Variants in AVEN observed in about 807,000 individuals in gnomAD.
AVEN encodes cell death regulator Aven.
AVEN carries 41 observed loss-of-function variants against 38.1 expected under a neutral mutation model. That is an observed-to-expected ratio of 1.08 (90% confidence interval 0.84 to 1.40). The LOEUF (loss-of-function observed/expected upper bound fraction) is 1.40. AVEN is among the 40% of genes most tolerant of loss of function. The pLI, the probability that AVEN is intolerant of heterozygous loss-of-function variation, is 0.00. For synonymous variants in AVEN, 206 were observed against 171.8 expected (o/e 1.20, Z -1.56); for missense variants, 605 against 438.8 (o/e 1.38, Z -3.38).
chr15:33,943,582 T>C (rs1894398464), intron 2 of AVEN, among the ~76,000 whole-genome samples: 1 of 152,212 alleles, frequency 6.6e-6, no homozygotes, highest in African/African-American at 2.4e-5. Context: ...ACGCCTGTAA[T>C]CCCAACACTT....
chr15:33,991,963 G>T, intron 2 of AVEN: 1 of 152,638 alleles, frequency 6.6e-6, no homozygotes. Context: ...TGATAGTTCA[G>T]GATGATGAAA....
chr15:33,867,640 C>T lies in AVEN; in HGVS notation c.828G>A (p.Gln276=). 1 of 1,614,204 alleles carries T rather than the reference C, an allele frequency of 6.2e-7. No individual in the cohort carries two copies. The highest frequency in any genetic ancestry group is 1.3e-5 in the African/African-American group (1 of 75,054). Residue 276 remains glutamine (Q), a synonymous_variant, in exon 5 of 6, where the codon CAG becomes CAA. Coordinates refer to ENST00000306730, the MANE Select transcript of AVEN (RefSeq NM_020371.3). ...CTTCTTCCAAATGGTCTCCTGCTGA[C>T]TGCAGTGGGGAAGTGGGTTTCTGAG... is the stretch of plus-strand genomic sequence containing the variant. The part of the protein sequence containing the change: ...RDSQKPTSPL[Q]SAGDHLEEEL...
At chr15:33,899,742 A>G (rs1343485500) in intron 2 of AVEN, among the ~76,000 whole-genome samples, 1 of 152,096 alleles carries the variant, frequency 6.6e-6, no homozygotes, top group Admixed American at 6.5e-5. Context: ...CTGAGATGAC[A>G]GGCATGAGCC....
At chr15:34,040,653 G>C (rs979420067), upstream of AVEN, among the ~76,000 whole-genome samples, 3 of 151,966 alleles carry the variant, frequency 2.0e-5, no homozygotes, top group Admixed American at 1.3e-4. Context: ...TACAGGCCAG[G>C]TGTGTGGTTC....
chr15:33,859,646 TG>T, intron 11 of AVEN: 1 of 1,614,050 alleles, frequency 6.2e-7, no homozygotes, highest in Non-Finnish European at 8.5e-7. Flanking sequence ...AAGACCCTGC[TG>T]GTGATCCTTA....
intron 2 of AVEN, among the ~76,000 whole-genome samples, chr15:33,964,106 T>A (rs1208564881): frequency 6.9e-6 from 1 of 145,204 alleles, no homozygotes; most frequent in South Asian, 2.2e-4. Flanking sequence ...AGTCCTTACT[T>A]AAAAAAAAAA....
At chr15:33,916,058 C>A (rs149059869) in intron 2 of AVEN, among the ~76,000 whole-genome samples, 1 of 152,128 alleles carries the variant, frequency 6.6e-6, no homozygotes, top group Non-Finnish European at 1.5e-5. Flanking sequence ...CACGCCCAAC[C>A]CTGCTCCCAT....
chr15:34,021,576 C>T (rs1329440553), intron 1 of AVEN, among the ~76,000 whole-genome samples: 1 of 152,108 alleles, frequency 6.6e-6, no homozygotes, highest in Non-Finnish European at 1.5e-5. Flanking sequence ...TACACATGGC[C>T]GTGTAAGGTG....
downstream of AVEN, among the ~76,000 whole-genome samples, chr15:33,862,886 G>C (rs748591556): frequency 6.6e-6 from 1 of 152,204 alleles, no homozygotes; most frequent in Non-Finnish European, 1.5e-5. Context: ...CAAAGTGCTG[G>C]AATTAGAGGC....
intron 1 of AVEN, among the ~76,000 whole-genome samples, chr15:34,028,322 T>C (rs939255567): frequency 6.6e-6 from 1 of 152,302 alleles, no homozygotes. Flanking sequence ...CCCAGCACTT[T>C]GGGAAGCCAA....
Position 34,039,150 on chromosome 15 carries a change from G to A in AVEN, c.-104C>T, listed in dbSNP as rs1597380275. On this transcript the variant is annotated 5_prime_UTR_variant, in exon 1 of 6. Coordinates refer to ENST00000306730, the MANE Select transcript of AVEN (RefSeq NM_020371.3). ...CACGGAGGAGCCGCGAGCGAAAGGCGCCCGGTAGCAGCGAGGCGCGGGGTG... is the reference window on the plus strand; with the variant it reads ...CACGGAGGAGCCGCGAGCGAAAGGCACCCGGTAGCAGCGAGGCGCGGGGTG... 8 of 966,760 alleles carry A rather than the reference G, an allele frequency of 8.3e-6. No homozygotes were observed. Among genetic ancestry groups the A allele is most frequent in the South Asian group, 9.7e-5 (2 of 20,524 alleles). The allele number at this position is 966,760 out of a possible 1,614,324, so 59.9% of individuals were successfully genotyped here.
downstream of AVEN, chr15:33,865,553 G>T (rs180758529): frequency 8.0e-6 from 2 of 249,144 alleles, no homozygotes; most frequent in East Asian, 8.5e-5. Flanking sequence ...GGCTAGAGAA[G>T]TATGAAATCT....
chr15:34,003,781 T>A (rs1360460040), intron 1 of AVEN, among the ~76,000 whole-genome samples: 2 of 152,228 alleles, frequency 1.3e-5, no homozygotes, highest in Non-Finnish European at 2.9e-5. Context: ...TAAGATTCCA[T>A]ACTCTAGAAT....
intron 5 of AVEN, among the ~76,000 whole-genome samples, chr15:34,051,942 A>G (rs964321752): frequency 3.3e-5 from 5 of 152,162 alleles, no homozygotes; most frequent in African/African-American, 1.2e-4. Context: ...TACCACTCCT[A>G]CTGAAACTAT....
chr15:34,001,860 A>C (rs1482628769), intron 2 of AVEN, among the ~76,000 whole-genome samples: 5 of 152,226 alleles, frequency 3.3e-5, no homozygotes, highest in African/African-American at 7.2e-5. Context: ...ATAAAGAAGA[A>C]AGGTAGAACT....
At chr15:34,047,635 T>C (rs1370753670) in intron 5 of AVEN, among the ~76,000 whole-genome samples, 6 of 152,178 alleles carry the variant, frequency 3.9e-5, no homozygotes, top group Non-Finnish European at 8.8e-5. Flanking sequence ...TTCAGTTGAC[T>C]CAGCCATTCT....
downstream of AVEN, among the ~76,000 whole-genome samples, chr15:33,863,966 C>G (rs1226092556): frequency 6.6e-6 from 1 of 152,178 alleles, no homozygotes; most frequent in Non-Finnish European, 1.5e-5. Flanking sequence ...TTCATGTGTG[C>G]TACTATTAGA....
exon 5 of AVEN, chr15:34,062,967 A>T: frequency 6.2e-7 from 1 of 1,614,126 alleles, no homozygotes; most frequent in Non-Finnish European, 8.5e-7. Flanking sequence ...AATCTTCTCC[A>T]TGAACCTCTA....
intron 2 of AVEN, among the ~76,000 whole-genome samples, chr15:33,990,460 G>A (rs565078323): frequency 2.1e-4 from 32 of 152,270 alleles, no homozygotes; most frequent in Non-Finnish European, 4.3e-4. Context: ...AGAGTAACTG[G>A]AATATAAGTC....
Sources: allele counts gnomAD v4.1 joint callset (sites outside exome capture counted in the v4.1 genomes callset), GRCh38; gene constraint gnomAD v4.1.1; transcripts MANE v1.5; gene names NCBI Gene and HGNC (gene_info 2026-07-23, HGNC 2026-07-21).